The following UNC13C variants were observed in gnomAD, a reference collection of about 807,000 sequenced individuals.
UNC13C encodes unc-13 homolog C, also known as protein unc-13 homolog C.
UNC13C carries 174 observed loss-of-function variants against 245.4 expected under a neutral mutation model. That is an observed-to-expected ratio of 0.71 (90% CI 0.63 to 0.80). The LOEUF is 0.80. Among genes scored for constraint, UNC13C ranks in the 30% least tolerant of loss-of-function variants. The pLI is 0.00. For synonymous variants in UNC13C, 992 were observed against 895.1 expected, an observed-to-expected ratio of 1.11 and a Z score of -1.93; for missense variants, 2,829 against 2,602.9, an observed-to-expected ratio of 1.09 and a Z score of -1.89.
chr15:54,125,604 C>A (rs1202608744), intron 2 of UNC13C, among the ~76,000 whole-genome samples: 2 of 152,076 alleles, frequency 1.3e-5, no homozygotes, highest in Non-Finnish European at 2.9e-5. Context: ...TTGAGATAGT[C>A]TTTGAATAAT....
At chr15:54,460,010 T>C (rs1052099989) in intron 19 of UNC13C, among the ~76,000 whole-genome samples, 6 of 152,204 alleles carry the variant, frequency 3.9e-5, no homozygotes, top group Non-Finnish European at 7.3e-5. Flanking sequence ...TCTGGTTCCT[T>C]CTACTTTGTG....
intron 30 of UNC13C, among the ~76,000 whole-genome samples, chr15:54,594,320 G>A (rs1338123756): frequency 1.3e-5 from 2 of 152,040 alleles, no homozygotes; most frequent in Non-Finnish European, 2.9e-5. Flanking sequence ...AGGAGGTGGC[G>A]CTTTCCAGAA....
At chr15:53,970,915 A>C in the UNC13C span, among the ~76,000 whole-genome samples, 1 of 152,120 alleles carries the variant, frequency 6.6e-6, no homozygotes, top group Non-Finnish European at 1.5e-5. Context: ...CTATTTTTGA[A>C]TTTTTGAGGA....
At chr15:54,234,249 T>G (rs1472961716) in intron 4 of UNC13C, among the ~76,000 whole-genome samples, 3 of 151,756 alleles carry the variant, frequency 2.0e-5, no homozygotes, top group Non-Finnish European at 4.4e-5. Context: ...AGTATATATA[T>G]ATATATATAT....
Position 54,507,164 on chromosome 15 carries a change from TTTCAGTTCA to T in UNC13C, c.5350_5358del (p.Phe1784_Ser1786del), listed in dbSNP as rs1894511280. On this transcript the variant is annotated inframe_deletion, in exon 23 of 33. Transcript: ENST00000260323. ...AGTATGCTGCAATTGTATCAAGTGA[TTTCAGTTCA>T]CATTGTGATAAGGAAAATGTGGTAA... 3.8e-6 allele frequency: 6 copies of T among 1,598,338 alleles called. No homozygotes were observed. The highest frequency in any genetic ancestry group is 5.1e-6 in the Non-Finnish European group (6 of 1,171,288).
At chr15:53,995,548 CT>C (rs901954050) in intron 1 of UNC13C, among the ~76,000 whole-genome samples, 10 of 135,162 alleles carry the variant, frequency 7.4e-5, no homozygotes, top group African/African-American at 2.8e-4. Flanking sequence ...AACTTTGTCA[CT>C]TTCTTGTTGA....
At chr15:54,245,879 A>G (rs1165973769) in intron 7 of UNC13C, among the ~76,000 whole-genome samples, 3 of 152,238 alleles carry the variant, frequency 2.0e-5, no homozygotes, top group Admixed American at 2.0e-4. Flanking sequence ...ATAATATCAC[A>G]AGGAGGATTA....
chr15:54,271,356 G>C (rs1258570558), intron 10 of UNC13C, among the ~76,000 whole-genome samples: 1 of 152,190 alleles, frequency 6.6e-6, no homozygotes, highest in African/African-American at 2.4e-5. Context: ...ATACTGAATT[G>C]TATAGTTGAT....
chr15:54,539,310 A>G lies in UNC13C; in HGVS notation c.5696+6244A>G, dbSNP rs181240317. On this transcript the variant is annotated intron_variant, in intron 26 of 32. Coordinates refer to ENST00000260323, the MANE Select transcript of UNC13C (RefSeq NM_001080534.3). ...GGGGAAATATCTAGAAGATAGGTAT[A>G]TAGGTAAGTAGATAATAGGATGTAG... Among the ~76,000 whole-genome samples, 309 of 152,164 alleles carry G rather than the reference A, an allele frequency of 2.0e-3. 1 individual carries two copies. Among genetic ancestry groups the G allele is most frequent in the Non-Finnish European group, 4.0e-3 (271 of 67,974 alleles).
chr15:53,985,536 A>C (rs1894103025), intron 1 of UNC13C, among the ~76,000 whole-genome samples: 1 of 151,952 alleles, frequency 6.6e-6, no homozygotes, highest in South Asian at 2.1e-4. Context: ...GAGAGATTAG[A>C]GTCTGACCAG....
the UNC13C span, among the ~76,000 whole-genome samples, chr15:53,906,875 A>T: frequency 6.6e-6 from 1 of 152,188 alleles, no homozygotes; most frequent in African/African-American, 2.4e-5. Flanking sequence ...GTGGCAGGAG[A>T]GAAGAGTGAA....
the UNC13C span, among the ~76,000 whole-genome samples, chr15:53,850,364 A>G: frequency 1.3e-5 from 2 of 152,146 alleles, no homozygotes; most frequent in Non-Finnish European, 2.9e-5. Context: ...GCAGTGAACC[A>G]TGATTGTGGC....
intron 4 of UNC13C, among the ~76,000 whole-genome samples, chr15:54,144,496 T>C (rs141325818): frequency 1.2e-3 from 189 of 152,250 alleles, no homozygotes; most frequent in African/African-American, 4.5e-3. Context: ...TGACTCTAAT[T>C]TTACAAATGA....
intron 8 of UNC13C, among the ~76,000 whole-genome samples, chr15:54,260,851 G>GA (rs10707812): frequency 8.0e-5 from 12 of 150,032 alleles, no homozygotes; most frequent in East Asian, 3.9e-4. Flanking sequence ...TACTTCTTCA[G>GA]AAAAAAAACA....
chr15:54,064,509 C>T lies in UNC13C; in HGVS notation c.2983+48623C>T, dbSNP rs536058418. Among the ~76,000 whole-genome samples, 14 of 152,248 alleles carry T rather than the reference C, an allele frequency of 9.2e-5. No individual in the cohort carries two copies. The East Asian group carries it at 2.5e-3, about 27-fold the overall frequency. Reference sequence around the variant, plus strand: ...TCTGCACAGTTTCATTCAATATGCACGTGGAAGCAGTGAAACAAATGCAGT... The same window carrying T: ...TCTGCACAGTTTCATTCAATATGCATGTGGAAGCAGTGAAACAAATGCAGT... On this transcript the variant is annotated intron_variant, in intron 2 of 32. Transcript: ENST00000260323.
chr15:54,519,836 A>G (rs1895140991), intron 24 of UNC13C, among the ~76,000 whole-genome samples: 1 of 152,212 alleles, frequency 6.6e-6, no homozygotes, highest in Non-Finnish European at 1.5e-5. Context: ...GGGCATTTCC[A>G]GGAAAGTACC....
At chr15:53,872,306 C>T in the UNC13C span, among the ~76,000 whole-genome samples, 1 of 151,674 alleles carries the variant, frequency 6.6e-6, no homozygotes, top group Non-Finnish European at 1.5e-5. Context: ...CTAAGACACA[C>T]ACATCTCTTC....
intron 4 of UNC13C, among the ~76,000 whole-genome samples, chr15:54,146,132 G>A (rs1343825937): frequency 6.6e-6 from 1 of 152,042 alleles, no homozygotes; most frequent in Non-Finnish European, 1.5e-5. Flanking sequence ...TCAGAAAGAT[G>A]TGCTTATTTT....
chr15:54,553,390 G>A (rs997900232), intron 28 of UNC13C, among the ~76,000 whole-genome samples: 2 of 116,084 alleles, frequency 1.7e-5, no homozygotes, highest in African/African-American at 6.4e-5. Flanking sequence ...TTATGTATTA[G>A]TATATTATAT....
Sources: allele counts gnomAD v4.1 joint callset (sites outside exome capture counted in the v4.1 genomes callset), GRCh38; gene constraint gnomAD v4.1.1; transcripts MANE v1.5; gene names NCBI Gene and HGNC (gene_info 2026-07-23, HGNC 2026-07-21).